B3GALT1: variants seen among roughly 807,000 people sequenced by gnomAD.
B3GALT1 encodes the protein beta-1,3-galactosyltransferase 1.
B3GALT1 carries 10 observed loss-of-function variants against 23.2 expected under a neutral mutation model. The observed-to-expected ratio is 0.43, with a 90% CI of 0.27 to 0.73. The LOEUF (loss-of-function observed/expected upper bound fraction) is 0.73, where lower values mean the gene tolerates loss of function less well. Among genes scored for constraint, B3GALT1 ranks in the 30% least tolerant of loss-of-function variants. The probability of loss-of-function intolerance (pLI) is 0.21; values close to 1 mark genes in which losing one functional copy is unlikely to be tolerated. For synonymous variants in B3GALT1, 156 were observed against 141.5 expected (o/e 1.10, Z -0.73); for missense variants, 299 against 405.4 (o/e 0.74, Z 2.25).
intron 2 of B3GALT1, among the ~76,000 whole-genome samples, chr2:167,643,551 A>G (rs1196486200): frequency 6.6e-6 from 1 of 152,238 alleles, no homozygotes; most frequent in African/African-American, 2.4e-5. Context: ...GCTGACCCAG[A>G]CCACTGATAA....
Position 167,497,821 on chromosome 2 carries a change from G to C in B3GALT1, c.-410+7544G>C, listed in dbSNP as rs574190459. On this transcript the variant is annotated intron_variant, in intron 2 of 4. Transcript: ENST00000392690. ...ACCTTAGAGAGAGGCCATTGATGGA[G>C]AGCACAGGATTCCCAAGTACCCAAC... Among the ~76,000 whole-genome samples, 14 of 152,020 alleles carry C rather than the reference G, an allele frequency of 9.2e-5. 1 individual carries two copies. Among genetic ancestry groups the C allele is most frequent in the Non-Finnish European group, 1.5e-4 (10 of 67,978 alleles).
intron 4 of B3GALT1, among the ~76,000 whole-genome samples, chr2:167,828,065 G>T (rs1010654479): frequency 1.3e-5 from 2 of 152,252 alleles, no homozygotes; most frequent in Admixed American, 6.5e-5. Flanking sequence ...TATTTATTCA[G>T]CTGTGTATAA....
Position 167,756,067 on chromosome 2 carries a change from T to C in B3GALT1, c.-351-62605T>C, listed in dbSNP as rs186123519. 2.6e-3 allele frequency among the ~76,000 whole-genome samples: 395 copies of C among 152,238 alleles called. 3 individuals are homozygous for C. Among genetic ancestry groups the C allele is most frequent in the African/African-American group, 9.0e-3 (375 of 41,552 alleles). ...AGGCAGTGTAGCATAATGTTAGAAC[T>C]ACATGAACATAAAAGGGAAATATTC... On this transcript the variant is annotated intron_variant, in intron 3 of 4. Transcript: ENST00000392690.
At chr2:167,648,790 C>T (rs1015011755) in intron 3 of B3GALT1, among the ~76,000 whole-genome samples, 5 of 152,010 alleles carry the variant, frequency 3.3e-5, no homozygotes, top group Admixed American at 2.6e-4. Context: ...AATTGCTTTG[C>T]CTCATACTTC....
At chr2:167,567,769 A>G (rs183165324) in intron 2 of B3GALT1, among the ~76,000 whole-genome samples, 1 of 152,032 alleles carries the variant, frequency 6.6e-6, no homozygotes, top group Non-Finnish European at 1.5e-5. Context: ...TTACATTAGG[A>G]TTCACTCTTG....
chr2:167,451,581 C>G (rs950296894), intron 1 of B3GALT1, among the ~76,000 whole-genome samples: 1 of 152,142 alleles, frequency 6.6e-6, no homozygotes, highest in Admixed American at 6.5e-5. Context: ...ATGTCAGCAC[C>G]CCCTCCGGTG....
chr2:167,578,284 C>T (rs904286214), intron 2 of B3GALT1, among the ~76,000 whole-genome samples: 1 of 151,902 alleles, frequency 6.6e-6, no homozygotes, highest in African/African-American at 2.4e-5. Flanking sequence ...TTCCTGATTA[C>T]AGATGTGAAA....
intron 1 of B3GALT1, among the ~76,000 whole-genome samples, chr2:167,403,108 G>A (rs965379376): frequency 6.6e-6 from 1 of 151,724 alleles, no homozygotes; most frequent in Non-Finnish European, 1.5e-5. Context: ...GTGCCATGTT[G>A]GTTTGCTGCC....
chr2:167,673,154 A>G (rs1161410758), intron 3 of B3GALT1, among the ~76,000 whole-genome samples: 1 of 152,148 alleles, frequency 6.6e-6, no homozygotes, highest in Non-Finnish European at 1.5e-5. Context: ...TCAAGGTGGG[A>G]AAGATTCCTT....
chr2:167,575,457 T>A (rs537385076), intron 2 of B3GALT1, among the ~76,000 whole-genome samples: 1 of 151,910 alleles, frequency 6.6e-6, no homozygotes, highest in South Asian at 2.1e-4. Context: ...TTCATAATAA[T>A]GTTCATCAAG....
intron 1 of B3GALT1, among the ~76,000 whole-genome samples, chr2:167,467,241 A>G (rs1420190515): frequency 6.6e-6 from 1 of 152,018 alleles, no homozygotes. Flanking sequence ...AGACATCTTT[A>G]TCTGTGTTTA....
chr2:167,400,958 G>A (rs1375126102), intron 1 of B3GALT1, among the ~76,000 whole-genome samples: 1 of 152,076 alleles, frequency 6.6e-6, no homozygotes, highest in African/African-American at 2.4e-5. Context: ...GACAGCTTCG[G>A]CTGTCTACTT....
intron 3 of B3GALT1, among the ~76,000 whole-genome samples, chr2:167,779,021 T>C (rs1282695087): frequency 2.0e-5 from 3 of 152,224 alleles, no homozygotes; most frequent in Non-Finnish European, 4.4e-5. Flanking sequence ...TGACATTGAA[T>C]GCAAATATTT....
chr2:167,725,050 C>T (rs1410376865), intron 3 of B3GALT1, among the ~76,000 whole-genome samples: 10 of 152,204 alleles, frequency 6.6e-5, no homozygotes, highest in Admixed American at 6.5e-4. Flanking sequence ...AAGTCAAACA[C>T]TTCATTGTCA....
chr2:167,697,971 G>C (rs1686812471), intron 3 of B3GALT1, among the ~76,000 whole-genome samples: 1 of 152,130 alleles, frequency 6.6e-6, no homozygotes, highest in African/African-American at 2.4e-5. Flanking sequence ...CTAAAGAAAA[G>C]CTTTTAAAAA....
intron 1 of B3GALT1, among the ~76,000 whole-genome samples, chr2:167,322,079 A>C (rs1696823925): frequency 6.6e-6 from 1 of 152,086 alleles, no homozygotes; most frequent in Non-Finnish European, 1.5e-5. Context: ...TGTATTACCC[A>C]TGTGAAATAA....
chr2:167,320,735 A>G (rs752752539), intron 1 of B3GALT1, among the ~76,000 whole-genome samples: 7 of 151,836 alleles, frequency 4.6e-5, no homozygotes, highest in Admixed American at 2.6e-4. Context: ...AGAAAACAAC[A>G]TGTTTTTAAA....
chr2:167,584,809 C>T (rs187669044), intron 2 of B3GALT1, among the ~76,000 whole-genome samples: 89 of 152,266 alleles, frequency 5.8e-4, no homozygotes, highest in African/African-American at 1.6e-3. Flanking sequence ...GAAAGGGGCA[C>T]GGAGCTTACT....
rs10522850 is a variant in B3GALT1, at chr2:167,625,942, CATATATATATATATATATATATATATAT to C, written c.-409-20950_-409-20923del. On this transcript the variant is annotated intron_variant, in intron 2 of 4. Transcript: ENST00000392690. ...ATGACAGAAAAATCAATGACTAGGC[CATATATATATATATATATATATATATAT>C]ATATATATATATATATGACCTAAGC... 1.3e-4 allele frequency among the ~76,000 whole-genome samples: 15 copies of C among 118,424 alleles called. 1 individual carries two copies. The highest frequency in any genetic ancestry group is 2.2e-4 in the African/African-American group (6 of 27,652). The allele number at this position is 118,424 out of a possible 152,430, so 77.7% of individuals were successfully genotyped here.
Sources: gnomAD v4.1 joint callset for allele counts (sites outside exome capture counted in the v4.1 genomes callset) on GRCh38, gnomAD v4.1.1 for gene constraint, MANE v1.5 for transcripts, NCBI Gene and HGNC (gene_info 2026-07-23, HGNC 2026-07-21) for gene names.